ZBTB8A: variants seen among roughly 807,000 people sequenced by gnomAD.
ZBTB8A encodes zinc finger and BTB domain containing 8A.
In ZBTB8A, 19 loss-of-function variants were observed where a neutral mutation model predicts 37.8. The ratio of observed to expected loss-of-function variants is 0.50; its 90% confidence interval spans 0.35 to 0.74. The LOEUF is 0.74. Among genes scored for constraint, ZBTB8A ranks in the 30% least tolerant of loss-of-function variants. ZBTB8A has a pLI of 0.01. For synonymous variants in ZBTB8A, 181 were observed against 185.2 expected (o/e 0.98, Z 0.19); for missense variants, 394 against 537.8 (o/e 0.73, Z 2.65).
intron 2 of ZBTB8A, among the ~76,000 whole-genome samples, chr1:32,557,753 C>G (rs1249726774): frequency 6.6e-6 from 1 of 152,110 alleles, no homozygotes; most frequent in African/African-American, 2.4e-5. Flanking sequence ...TGTAAGCCAC[C>G]GCGCCTGGTC....
At chr1:32,577,948 G>T (rs1049066281) in intron 2 of ZBTB8A, among the ~76,000 whole-genome samples, 2 of 151,720 alleles carry the variant, frequency 1.3e-5, no homozygotes, top group African/African-American at 2.4e-5. Context: ...CTATTGCCCA[G>T]TCTGGAGTGC....
At chr1:32,539,972 GAGGGC>G (rs537614858) in intron 1 of ZBTB8A, among the ~76,000 whole-genome samples, 3 of 151,478 alleles carry the variant, frequency 2.0e-5, no homozygotes, top group Admixed American at 6.6e-5. Flanking sequence ...GGCGCGCGGG[GAGGGC>G]AGGGCAGGGC....
rs1474619380 is a variant in ZBTB8A, at chr1:32,593,132, A to G, written c.201A>G (p.Thr67=). 22 of 1,614,204 alleles carry G rather than the reference A, an allele frequency of 1.4e-5. No homozygotes were observed. Among genetic ancestry groups the G allele is most frequent in the Non-Finnish European group, 1.8e-5 (21 of 1,180,036 alleles). The change falls in exon 3 of 5, where the codon ACA becomes ACG. Residue 67 remains threonine (T), a synonymous_variant. Transcript: ENST00000373510. Reference sequence around the variant, plus strand: ...AGACGAGTCAGCCAACCACAGCTACATTTCAGGCTTTCTCCCCTGACACTT... The same window carrying G: ...AGACGAGTCAGCCAACCACAGCTACGTTTCAGGCTTTCTCCCCTGACACTT... The part of the protein sequence containing the change: ...SKETSQPTTA[T]FQAFSPDTFT...
chr1:32,588,763 C>T (rs761581719), intron 2 of ZBTB8A, among the ~76,000 whole-genome samples: 1 of 152,056 alleles, frequency 6.6e-6, no homozygotes, highest in African/African-American at 2.4e-5. Context: ...GCAGGCAGAT[C>T]ACCTGAAGTT....
Position 32,593,626 on chromosome 1 carries a change from G to A in ZBTB8A, c.695G>A (p.Arg232Gln), listed in dbSNP as rs369696394. ...THYKSSKREV[R>Q]TSDSSSHVSQ... ...TATAAGTCAAGCAAACGAGAAGTAC[G>A]AACATCTGATTCTTCCAGCCATGTT... Residue 232 changes from arginine (R) to glutamine (Q), a missense_variant, in exon 3 of 5, where the codon CGA (arginine) becomes CAA (glutamine). Arg to Gln is a conservative substitution (Grantham distance 43, BLOSUM62 1). This residue lies in a region of ZBTB8A where 171 missense variants were observed against 186.8 expected (regional missense o/e 0.92). Coordinates refer to ENST00000373510, the MANE Select transcript of ZBTB8A (RefSeq NM_001040441.3). 7.4e-6 allele frequency: 12 copies of A among 1,614,056 alleles called. No individual in the cohort carries two copies. The highest frequency in any genetic ancestry group is 1.0e-5 in the Non-Finnish European group (12 of 1,180,052).
At chr1:32,568,607 C>T (rs544071445) in intron 2 of ZBTB8A, among the ~76,000 whole-genome samples, 3 of 152,176 alleles carry the variant, frequency 2.0e-5, no homozygotes, top group East Asian at 1.9e-4. Context: ...AGGATGGTCT[C>T]GATCTCCTAA....
intron 1 of ZBTB8A, among the ~76,000 whole-genome samples, chr1:32,539,796 C>A (rs1437460531): frequency 7.9e-4 from 1 of 1,260 alleles, no homozygotes; most frequent in Non-Finnish European, 2.1e-3. Flanking sequence ...GCGCCCGCCT[C>A]GCCGCCCGGC....
intron 2 of ZBTB8A, among the ~76,000 whole-genome samples, chr1:32,557,122 T>C (rs1408850401): frequency 1.3e-5 from 2 of 151,904 alleles, no homozygotes; most frequent in Non-Finnish European, 2.9e-5. Flanking sequence ...GCCAACATAG[T>C]GAAACCCCGT....
At chr1:32,599,718 AAAATAAATAAAT>A (rs532896304) in intron 4 of ZBTB8A, among the ~76,000 whole-genome samples, 3 of 151,806 alleles carry the variant, frequency 2.0e-5, no homozygotes, top group Non-Finnish European at 4.4e-5. Flanking sequence ...CTCTGTCTCA[AAAATAAATAAAT>A]AAATAAATAA....
intron 2 of ZBTB8A, among the ~76,000 whole-genome samples, chr1:32,581,728 C>G (rs1391555360): frequency 6.6e-6 from 1 of 152,060 alleles, no homozygotes; most frequent in Non-Finnish European, 1.5e-5. Context: ...CTGGGTAATT[C>G]ATAAAAGAAA....
intron 1 of ZBTB8A, among the ~76,000 whole-genome samples, chr1:32,552,934 C>T (rs1644168850): frequency 6.8e-6 from 1 of 147,714 alleles, no homozygotes; most frequent in African/African-American, 2.5e-5. Context: ...CATATTTGTT[C>T]TATATTATAT....
At chr1:32,588,591 A>G (rs552552664) in intron 2 of ZBTB8A, among the ~76,000 whole-genome samples, 1 of 152,168 alleles carries the variant, frequency 6.6e-6, no homozygotes, top group Non-Finnish European at 1.5e-5. Flanking sequence ...TCAAATGAAG[A>G]AAGTGTTTTA....
intron 2 of ZBTB8A, among the ~76,000 whole-genome samples, chr1:32,571,155 C>T (rs1025112931): frequency 3.9e-4 from 59 of 152,066 alleles, no homozygotes; most frequent in African/African-American, 1.3e-3. Flanking sequence ...GGATTACAGG[C>T]GTGAGCCACC....
In ZBTB8A at chr1:32,593,433, C is replaced by T. The variant is rs773938644; in HGVS notation, c.502C>T (p.Pro168Ser). Residue 168 changes from proline to serine, a missense_variant, in exon 3 of 5, where the codon CCA (proline) becomes TCA (serine). Transcript: ENST00000373510. ...CAGTTCTCCACGTTCTCACCTAAGC[C>T]CAGAGCAAGGAACAGGTATAATAAG... The part of the protein sequence containing the change: ...GSSSPRSHLS[P>S]EQGTGIISGK... The T allele has an allele frequency of 3.7e-6, 6 of 1,613,762 alleles. No homozygotes were observed. In the African/African-American group the frequency reaches 5.3e-5, roughly 14 times the overall value.
At chr1:32,555,831 G>T (rs1459531353) in intron 2 of ZBTB8A, among the ~76,000 whole-genome samples, 1 of 151,912 alleles carries the variant, frequency 6.6e-6, no homozygotes, top group African/African-American at 2.4e-5. Flanking sequence ...CAAAGTTGTT[G>T]CTTTTCTTCT....
At position 32,567,808 on chromosome 1, in the gene ZBTB8A, A is replaced by C. The variant is rs1464636500; in HGVS notation, c.-2+14268A>C. Among the ~76,000 whole-genome samples the C allele has an allele frequency of 6.0e-3, 275 of 46,024 alleles. 12 individuals are homozygous for C. Among genetic ancestry groups the C allele is most frequent in the East Asian group, 0.01 (18 of 1,766 alleles). 30.2% of individuals were successfully genotyped at this position (46,024 alleles called of 152,430 possible). On this transcript the variant is annotated intron_variant, in intron 2 of 4. Coordinates refer to ENST00000373510, the MANE Select transcript of ZBTB8A (RefSeq NM_001040441.3). ...TTCTGTCTCAAAAAAAAAAAAAAAA[A>C]AAAAAAAAAAAAAAACAAAAACAAA... is the stretch of plus-strand genomic sequence containing the variant.
intron 2 of ZBTB8A, among the ~76,000 whole-genome samples, chr1:32,569,386 C>CTTTTTTTTT (rs563715372): frequency 6.1e-5 from 5 of 82,278 alleles, no homozygotes; most frequent in Admixed American, 1.6e-4. Context: ...TTTTCCTTTC[C>CTTTTTTTTT]TTTTTTTTTT....
intron 2 of ZBTB8A, among the ~76,000 whole-genome samples, chr1:32,568,706 A>G (rs571030837): frequency 3.3e-5 from 5 of 152,210 alleles, no homozygotes; most frequent in African/African-American, 1.2e-4. Flanking sequence ...TTAAGATTTC[A>G]TATAACTGGA....
chr1:32,546,253 G>A (rs1644103028), intron 1 of ZBTB8A, among the ~76,000 whole-genome samples: 1 of 152,088 alleles, frequency 6.6e-6, no homozygotes, highest in Non-Finnish European at 1.5e-5. Context: ...AGACCAGCCT[G>A]GCCAACATGG....
Sources: gnomAD v4.1 joint callset for allele counts (sites outside exome capture counted in the v4.1 genomes callset) on GRCh38, gnomAD v4.1.1 for gene constraint, gnomAD v4.1.1 regional missense constraint, MANE v1.5 for transcripts, NCBI Gene and HGNC (gene_info 2026-07-23, HGNC 2026-07-21) for gene names.